The following PTPRE variants were observed in gnomAD, a reference collection of about 807,000 sequenced individuals.
PTPRE encodes receptor-type tyrosine-protein phosphatase epsilon.
PTPRE carries 51 observed loss-of-function variants against 102.0 expected under a neutral mutation model. The ratio of observed to expected loss-of-function variants is 0.50; its 90% CI spans 0.40 to 0.63. The LOEUF (loss-of-function observed/expected upper bound fraction) is 0.63, where lower values mean the gene tolerates loss of function less well. Ranked by LOEUF, PTPRE falls within the 30% of genes least tolerant of loss-of-function variation. The pLI is 0.00. For missense variants in PTPRE, 752 were observed against 915.1 expected, an observed-to-expected ratio of 0.82 and a Z score of 2.30; for synonymous variants, 345 against 348.2, an observed-to-expected ratio of 0.99 and a Z score of 0.10.
At chr10:127,976,355 G>A (rs1047215879) in intron 1 of PTPRE, among the ~76,000 whole-genome samples, 4 of 152,144 alleles carry the variant, frequency 2.6e-5, no homozygotes, top group African/African-American at 9.7e-5. Flanking sequence ...GCAGACACTC[G>A]TACTTGCAAA....
At chr10:127,988,730 TGTTCACTATTGGG>T (rs773591249) in intron 2 of PTPRE, among the ~76,000 whole-genome samples, 45 of 152,346 alleles carry the variant, frequency 3.0e-4, no homozygotes, top group Non-Finnish European at 5.0e-4. Context: ...TTGGGTACTA[TGTTCACTATTGGG>T]GTGATAGGTT....
chr10:128,008,098 G>A lies in PTPRE; in HGVS notation c.-8+25802G>A, dbSNP rs960115763. Among the ~76,000 whole-genome samples the A allele has an allele frequency of 6.6e-6, 1 of 152,186 alleles. No individual in the cohort carries two copies. The highest frequency in any genetic ancestry group is 1.5e-5 in the Non-Finnish European group (1 of 68,028). Reference sequence around the variant, plus strand: ...TCTCACCACTGGGGAGGCACAGGAGGCACCACGCCACGTGTGCCTGTCTGC... The same window carrying A: ...TCTCACCACTGGGGAGGCACAGGAGACACCACGCCACGTGTGCCTGTCTGC... On this transcript the variant is annotated intron_variant, in intron 2 of 20. Coordinates refer to ENST00000254667, the MANE Select transcript of PTPRE (RefSeq NM_006504.6). This position sits in a 1 kb window ranked among gnomAD's most constrained non-coding sequence, Gnocchi z 4.0.
intron 3 of PTPRE, among the ~76,000 whole-genome samples, chr10:128,045,248 C>G (rs961179305): frequency 4.6e-5 from 7 of 152,234 alleles, no homozygotes; most frequent in Non-Finnish European, 1.0e-4. Flanking sequence ...TGGTTCAGCC[C>G]CGTCTTCTAT....
intron 2 of PTPRE, among the ~76,000 whole-genome samples, chr10:128,036,285 C>A (rs888409062): frequency 6.6e-6 from 1 of 152,004 alleles, no homozygotes; most frequent in South Asian, 2.1e-4. Flanking sequence ...GGAGTGCCTC[C>A]CCCACACGCT....
At chr10:127,965,735 C>T (rs1185654567) in intron 1 of PTPRE, among the ~76,000 whole-genome samples, 1 of 152,126 alleles carries the variant, frequency 6.6e-6, no homozygotes, top group Non-Finnish European at 1.5e-5. Flanking sequence ...AGGGTCTGAG[C>T]CTGTGAACCT....
rs1305526021 is a variant in PTPRE at position 127,927,202 on chromosome 10, T to C, written c.-31+19893T>C. On this transcript the variant is annotated intron_variant, in intron 1 of 20. Coordinates refer to ENST00000254667, the MANE Select transcript of PTPRE (RefSeq NM_006504.6). ...TGGATGCCCCCCACCCCCCCGGGGGTTGGGTTCTCGCTCACCATTAGGGAG... is the reference window on the plus strand; with the variant it reads ...TGGATGCCCCCCACCCCCCCGGGGGCTGGGTTCTCGCTCACCATTAGGGAG... Among the ~76,000 whole-genome samples the C allele has an allele frequency of 4.0e-5, 6 of 151,750 alleles. No individual in the cohort carries two copies. The East Asian group carries it at 1.2e-3, about 30-fold the overall frequency.
At chr10:127,926,287 G>A (rs1847005621) in intron 1 of PTPRE, among the ~76,000 whole-genome samples, 1 of 152,182 alleles carries the variant, frequency 6.6e-6, no homozygotes, top group Non-Finnish European at 1.5e-5. Flanking sequence ...CTTTTGCAAG[G>A]AGTACAGATT....
intron 1 of PTPRE, among the ~76,000 whole-genome samples, chr10:127,977,682 T>TTAGGA (rs1175509459): frequency 2.0e-5 from 3 of 152,200 alleles, no homozygotes; most frequent in African/African-American, 7.2e-5. Flanking sequence ...CTTTGCAAGG[T>TTAGGA]TAGGATGCAC....
chr10:127,933,100 A>T (rs2042684169), intron 1 of PTPRE, among the ~76,000 whole-genome samples: 1 of 152,194 alleles, frequency 6.6e-6, no homozygotes, highest in Non-Finnish European at 1.5e-5. Context: ...GTGCACCCGG[A>T]TGATCCAGGA....
In PTPRE at chr10:128,037,453, G is replaced by A. The variant is rs376760211; in HGVS notation, c.-7-3422G>A. Among the ~76,000 whole-genome samples the A allele has an allele frequency of 1.7e-4, 26 of 152,294 alleles. 1 individual carries two copies. In the East Asian group the frequency reaches 4.6e-3, roughly 27 times the overall value. On this transcript the variant is annotated intron_variant, in intron 2 of 20. Coordinates refer to ENST00000254667, the MANE Select transcript of PTPRE (RefSeq NM_006504.6). ...GGCCTTGTCTCCAGAGCATGGGAGT[G>A]GGGTATCAGGGTGGCTGTTCTTCTG...
At position 128,003,276 on chromosome 10, in the gene PTPRE, G is replaced by A. The variant is rs559393757; in HGVS notation, c.-8+20980G>A. Among the ~76,000 whole-genome samples the A allele has an allele frequency of 5.9e-5, 9 of 152,170 alleles. No homozygotes were observed. The South Asian group carries it at 1.5e-3, about 25-fold the overall frequency. On this transcript the variant is annotated intron_variant, in intron 2 of 20. Coordinates refer to ENST00000254667, the MANE Select transcript of PTPRE (RefSeq NM_006504.6). ...CATAGAGTGTAGCTGCTGCTGTTGC[G>A]GCTGTTTCCCTCTCTGTGTTCTCCT...
At chr10:127,961,521 G>T (rs1393825219) in intron 1 of PTPRE, among the ~76,000 whole-genome samples, 1 of 152,166 alleles carries the variant, frequency 6.6e-6, no homozygotes, top group Non-Finnish European at 1.5e-5. Context: ...AGGCCCCTGG[G>T]GTGGCCTGGA....
chr10:127,969,297 G>A (rs1411697916), intron 1 of PTPRE, among the ~76,000 whole-genome samples: 1 of 152,204 alleles, frequency 6.6e-6, no homozygotes, highest in Non-Finnish European at 1.5e-5. Context: ...TCCATACAGT[G>A]CTGTTGCTGG....
intron 1 of PTPRE, chr10:127,934,024 G>GCACACACACACA (rs201565441): frequency 3.3e-4 from 27 of 82,346 alleles, no homozygotes; most frequent in African/African-American, 1.1e-3. Context: ...CACCCCCCGC[G>GCACACACACACA]CACACACACA....
chr10:127,992,854 G>A (rs1043143626), intron 2 of PTPRE, among the ~76,000 whole-genome samples: 6 of 152,210 alleles, frequency 3.9e-5, no homozygotes, highest in South Asian at 2.1e-4. Flanking sequence ...GCGTGCCCAG[G>A]CATTTGTAAT....
chr10:128,029,333 A>C (rs1846531483), intron 2 of PTPRE, among the ~76,000 whole-genome samples: 1 of 152,118 alleles, frequency 6.6e-6, no homozygotes, highest in Non-Finnish European at 1.5e-5. Flanking sequence ...CTGGCTCAGC[A>C]CTATTGTTCT....
chr10:127,908,428 G>A (rs1039390805), intron 1 of PTPRE, among the ~76,000 whole-genome samples: 1 of 149,874 alleles, frequency 6.7e-6, no homozygotes, highest in African/African-American at 2.5e-5. Context: ...CATTTAAACT[G>A]TGTGTATGTG....
rs189762151 is a variant in PTPRE at position 128,004,585 on chromosome 10, C to G, written c.-8+22289C>G. ...TGTTCGGTAGCATGTATCAATATTT[C>G]ATTCCTTTTTAGGCTGAATCATATC... is the stretch of plus-strand genomic sequence containing the variant. On this transcript the variant is annotated intron_variant, in intron 2 of 20. Transcript: ENST00000254667. Among the ~76,000 whole-genome samples, 7 of 152,286 alleles carry G rather than the reference C, an allele frequency of 4.6e-5. No homozygotes were observed. The East Asian group carries it at 1.3e-3, about 29-fold the overall frequency.
Position 128,063,300 on chromosome 10 carries a change from A to G in PTPRE, c.723+120A>G. On this transcript the variant is annotated intron_variant, in intron 10 of 20. Transcript: ENST00000254667. ...CCTTCCTCCCACTATCACTGCAGAA[A>G]AAAACCCAAACACATGCAGTGGCTT... The G allele has an allele frequency of 2.7e-6, 4 of 1,484,312 alleles. No individual in the cohort carries two copies. In the South Asian group the frequency reaches 5.3e-5, roughly 20 times the overall value. 91.9% of individuals were successfully genotyped at this position (1,484,312 alleles called of 1,614,324 possible).
Sources: gnomAD v4.1 joint callset for allele counts (sites outside exome capture counted in the v4.1 genomes callset) on GRCh38, gnomAD v4.1.1 for gene constraint, Gnocchi (gnomAD v3.1) non-coding constraint, MANE v1.5 for transcripts, NCBI Gene and HGNC (gene_info 2026-07-23, HGNC 2026-07-21) for gene names.